Variants in MGAM observed in about 807,000 individuals in gnomAD.
MGAM encodes the protein maltase-glucoamylase, also known as alpha-1,4-glucosidase.
Under a neutral mutation model 358.8 loss-of-function variants are expected in MGAM, and 253 were observed. The ratio of observed to expected loss-of-function variants is 0.71; its 90% confidence interval spans 0.64 to 0.78. The LOEUF (loss-of-function observed/expected upper bound fraction) is 0.78, where lower values mean the gene tolerates loss of function less well. MGAM is among the 30% of genes least tolerant of loss of function. The probability of loss-of-function intolerance (pLI) is 0.00; values close to 1 mark genes in which losing one functional copy is unlikely to be tolerated. For synonymous variants in MGAM, 1,105 were observed against 1,227.1 expected, an observed-to-expected ratio of 0.90 and a Z score of 2.08; for missense variants, 3,080 against 3,432.6, an observed-to-expected ratio of 0.90 and a Z score of 2.57.
chr7:142,036,820 C>G lies in MGAM; in HGVS notation c.2077-3C>G, dbSNP rs1554466055. 2 of 1,612,862 alleles carry G rather than the reference C, an allele frequency of 1.2e-6. No individual in the cohort carries two copies. Among genetic ancestry groups the G allele is most frequent in the East Asian group, 2.2e-5 (1 of 44,858 alleles). ...ACAACTGCAAACTCCTATTTCCTCC[C>G]AGGACCAGGATCCTGCCTCCTTTGG... On this transcript the variant is annotated splice_polypyrimidine_tract_variant and splice_region_variant and intron_variant, in intron 17 of 70. Coordinates refer to ENST00000475668, the MANE Select transcript of MGAM (RefSeq NM_001365693.1).
rs377214911 is a variant in MGAM, at chr7:142,034,702, G to C, written c.1820G>C (p.Ser607Thr). 1 of 1,613,396 alleles carries C rather than the reference G, an allele frequency of 6.2e-7. No individual in the cohort carries two copies. Among genetic ancestry groups the C allele is most frequent in the Non-Finnish European group, 8.5e-7 (1 of 1,179,632 alleles). The change falls in exon 16 of 71, where the codon AGC becomes ACC. Residue 607 changes from serine (S) to threonine (T), a missense_variant. Physicochemically the swap from Ser to Thr is moderately conservative, Grantham distance 58. Transcript: ENST00000475668. ...AAGACTGTGTTCCCTAATAAGAGAAGCTTCATTCTGACCCGTTCTACCTTT... is the reference window on the plus strand; with the variant it reads ...AAGACTGTGTTCCCTAATAAGAGAACCTTCATTCTGACCCGTTCTACCTTT... ...AAKTVFPNKR[S>T]FILTRSTFAG...
intron 59 of MGAM, 146 bp downstream of exon 59, chr7:142,092,754 T>G: frequency 1.2e-6 from 1 of 804,556 alleles, no homozygotes; most frequent in Non-Finnish European, 1.9e-6. Flanking sequence ...ACAAAAGCTC[T>G]GCACGCGCTT....
In MGAM at chr7:142,064,386, T is replaced by C. The variant is rs780083916; in HGVS notation, c.4348T>C (p.Leu1450=). The C allele has an allele frequency of 2.5e-6, 4 of 1,607,430 alleles. No homozygotes were observed. Among genetic ancestry groups the C allele is most frequent in the Non-Finnish European group, 3.4e-6 (4 of 1,177,100 alleles). Residue 1450 remains leucine (L), a splice_region_variant and synonymous_variant, in exon 37 of 71, where the codon TTG becomes CTG. Coordinates refer to ENST00000475668, the MANE Select transcript of MGAM (RefSeq NM_001365693.1). ...SLNHPPYMPH[L]ESRDRGLSSK... Reference sequence around the variant, plus strand: ...CCTCGCCAGTTCTTCCTCCTCAGATTTGGAGTCCAGGGACAGGGGCCTGAG... The same window carrying C: ...CCTCGCCAGTTCTTCCTCCTCAGATCTGGAGTCCAGGGACAGGGGCCTGAG...
chr7:142,069,536 C>T (rs1813157219), intron 43 of MGAM, among the ~76,000 whole-genome samples: 1 of 145,666 alleles, frequency 6.9e-6, no homozygotes, highest in African/African-American at 2.4e-5. Context: ...AGCAGGGATA[C>T]AGGAAGCAGA....
At chr7:142,044,670 A>G (rs1809788582) in intron 21 of MGAM, among the ~76,000 whole-genome samples, 1 of 75,546 alleles carries the variant, frequency 1.3e-5, no homozygotes. Flanking sequence ...TATTATATAC[A>G]CGTGTAATAT....
At chr7:141,986,968 T>A (rs1388198929) in intron 2 of MGAM, among the ~76,000 whole-genome samples, 1 of 152,160 alleles carries the variant, frequency 6.6e-6, no homozygotes, top group East Asian at 1.9e-4. Flanking sequence ...AAAATGCAGA[T>A]AACAGGAGGA....
rs548988095 is a variant in MGAM, at chr7:142,044,335, AAT to A, written c.2499-3440_2499-3439del. 5.7e-4 allele frequency among the ~76,000 whole-genome samples: 80 copies of A among 140,394 alleles called. 2 individuals carry two copies. The highest frequency in any genetic ancestry group is 1.8e-3 in the African/African-American group (69 of 39,276). The allele number at this position is 140,394 out of a possible 152,430, so 92.1% of individuals were successfully genotyped here. On this transcript the variant is annotated intron_variant, in intron 21 of 70. Transcript: ENST00000475668. ...TATACACATACGATATATAATATATAATATATATATAATATACACATACGATA... is the reference window on the plus strand; with the variant it reads ...TATACACATACGATATATAATATATAATATATATAATATACACATACGATA...
At chr7:142,028,873 C>T (rs185768127) in intron 10 of MGAM, among the ~76,000 whole-genome samples, 8 of 146,864 alleles carry the variant, frequency 5.4e-5, no homozygotes, top group Middle Eastern at 3.4e-3. Context: ...TCCAGCATGA[C>T]GTGTCTTTAT....
In MGAM at chr7:142,050,794, A is replaced by G; in HGVS notation, c.2735A>G (p.Asn912Ser). The G allele has an allele frequency of 1.2e-6, 2 of 1,613,848 alleles. No individual in the cohort carries two copies. The highest frequency in any genetic ancestry group is 1.7e-6 in the Non-Finnish European group (2 of 1,179,776). The change falls in exon 24 of 71, where the codon AAT becomes AGT. Residue 912 changes from asparagine to serine, a missense_variant. Asn to Ser is a conservative substitution (Grantham distance 46). Around this residue, in one of 5 missense-constraint regions of MGAM, gnomAD observed 1,816 missense variants for 1,840.5 expected, o/e 0.99. Coordinates refer to ENST00000475668, the MANE Select transcript of MGAM (RefSeq NM_001365693.1). ...ATTCTTGGGACGGAGGAACCTAGCA[A>G]TGTTACAGTGAAACACAATGGTGTC... The part of the protein sequence containing the change: ...IKILGTEEPS[N>S]VTVKHNGVPS...
In MGAM at chr7:142,092,673, C is replaced by G. The variant is rs1264830806; in HGVS notation, c.7033+65C>G. ...TGAAAGAAGGATTACACTGGAGGAG[C>G]CCGAGGCCAGGGGTGGCCGCACAGC... On this transcript the variant is annotated intron_variant, in intron 59 of 70. Transcript: ENST00000475668. 2.2e-6 allele frequency: 3 copies of G among 1,393,478 alleles called. 1 individual carries two copies. In the Admixed American group the frequency reaches 6.1e-5, roughly 28 times the overall value. 86.3% of individuals were successfully genotyped at this position (1,393,478 alleles called of 1,614,324 possible).
rs544341574 is a variant in MGAM at position 142,060,699 on chromosome 7, A to G, written c.4122+326A>G. ...AGGCCCAAGAAATTCCCACTGGGCG[A>G]TACCTCCTAGCAGTGCCATCTTTTC... is the stretch of plus-strand genomic sequence containing the variant. On this transcript the variant is annotated intron_variant, in intron 34 of 70. Transcript: ENST00000475668. Among the ~76,000 whole-genome samples, 16 of 152,150 alleles carry G rather than the reference A, an allele frequency of 1.1e-4. No individual in the cohort carries two copies. In the South Asian group the frequency reaches 3.3e-3, roughly 32 times the overall value.
chr7:142,025,118 TG>T lies in MGAM; in HGVS notation c.955del (p.Val319CysfsTer3). ...CLEDASGLSF[G>X]VFLMNSNAME... ...TTGAAGATGCTAGTGGATTGTCCTT[TG>T]GGGTGTTTCTGATGAACAGCAATGC... On this transcript the variant is annotated frameshift_variant, in exon 8 of 71. Coordinates refer to ENST00000475668, the MANE Select transcript of MGAM (RefSeq NM_001365693.1). LOFTEE classifies it high-confidence loss of function. 1 of 1,613,190 alleles carries T rather than the reference TG, an allele frequency of 6.2e-7. No individual in the cohort carries two copies. Among genetic ancestry groups the T allele is most frequent in the Non-Finnish European group, 8.5e-7 (1 of 1,179,182 alleles).
chr7:142,040,207 CTG>C (rs1199389952), intron 20 of MGAM, 36 bp downstream of exon 20: 5 of 1,514,358 alleles, frequency 3.3e-6, no homozygotes, highest in Non-Finnish European at 4.6e-6. Context: ...CTCCTTAAGA[CTG>C]TAGCTGCAGC....
chr7:142,100,942 G>A lies in MGAM; in HGVS notation c.7963+52G>A. The A allele has an allele frequency of 2.0e-6, 3 of 1,502,898 alleles. No homozygotes were observed. In the South Asian group the frequency reaches 3.5e-5, roughly 18 times the overall value. The allele number at this position is 1,502,898 out of a possible 1,614,324, so 93.1% of individuals were successfully genotyped here. On this transcript the variant is annotated intron_variant, in intron 68 of 70. Transcript: ENST00000475668. ...GCTGATGGCACTGACTACATTCCTG[G>A]ATTATCTTACAGGCCTGCTTTCACC...
chr7:142,052,512 T>C, intron 25 of MGAM, 66 bp downstream of exon 25: 1 of 1,579,696 alleles, frequency 6.3e-7, no homozygotes, highest in Non-Finnish European at 8.6e-7. Context: ...TTCTTAAGCA[T>C]AGCAGTGGTA....
At position 142,068,211 on chromosome 7, in the gene MGAM, A is replaced by G. The variant is rs542222855; in HGVS notation, c.5005-436A>G. On this transcript the variant is annotated intron_variant, in intron 42 of 70. Transcript: ENST00000475668. Reference sequence around the variant, plus strand: ...ATGGGGTTTCACTGTATTAGCCAGGATGGTCTCAATATCCTGACCTCATGA... The same window carrying G: ...ATGGGGTTTCACTGTATTAGCCAGGGTGGTCTCAATATCCTGACCTCATGA... 1.2e-4 allele frequency among the ~76,000 whole-genome samples: 16 copies of G among 136,474 alleles called. 1 individual carries two copies. Among genetic ancestry groups the G allele is most frequent in the African/African-American group, 4.0e-4 (16 of 39,892 alleles). The allele number at this position is 136,474 out of a possible 152,430, so 89.5% of individuals were successfully genotyped here. A position where few individuals can be genotyped will look rare whatever the true frequency, so the allele number is the denominator to read the frequency against.
intron 3 of MGAM, among the ~76,000 whole-genome samples, chr7:142,018,825 G>A (rs1162571085): frequency 1.3e-5 from 2 of 152,104 alleles, no homozygotes; most frequent in East Asian, 1.9e-4. Flanking sequence ...TGATTGCAAA[G>A]TCTTATTTTC....
At chr7:142,064,787 C>T (rs1322929971) in intron 37 of MGAM, among the ~76,000 whole-genome samples, 1 of 152,146 alleles carries the variant, frequency 6.6e-6, no homozygotes, top group Admixed American at 6.5e-5. Flanking sequence ...CATGGAGACA[C>T]CATAATGGTC....
At chr7:142,052,671 A>G (rs1811110580) in intron 25 of MGAM, 113 bp from the exon 26 acceptor site, 1 of 1,388,402 alleles carries the variant, frequency 7.2e-7, no homozygotes. Flanking sequence ...GCCAAGTGAT[A>G]AGTGATGGGC....
Sources: allele counts gnomAD v4.1 joint callset (sites outside exome capture counted in the v4.1 genomes callset), GRCh38; gene constraint gnomAD v4.1.1; regional missense constraint gnomAD v4.1.1; transcripts MANE v1.5; gene names NCBI Gene and HGNC (gene_info 2026-07-23, HGNC 2026-07-21).